Variants in CCDC138 observed in about 807,000 individuals in gnomAD.
The protein encoded by CCDC138 is coiled-coil domain containing 138.
In CCDC138, 66 loss-of-function variants were observed where a neutral mutation model predicts 82.3. That is an observed-to-expected ratio of 0.80 (90% CI 0.66 to 0.98). The LOEUF (loss-of-function observed/expected upper bound fraction) is 0.98, where lower values mean the gene tolerates loss of function less well. Ranked by LOEUF, CCDC138 falls within the 50% of genes least tolerant of loss-of-function variation. The pLI is 0.00. For synonymous variants in CCDC138, 297 were observed against 265.4 expected, an observed-to-expected ratio of 1.12 and a Z score of -1.16; for missense variants, 816 against 758.9, an observed-to-expected ratio of 1.08 and a Z score of -0.88.
chr2:108,795,905 C>T (rs2149499716), intron 5 of CCDC138, among the ~76,000 whole-genome samples: 1 of 152,082 alleles, frequency 6.6e-6, no homozygotes. Context: ...TAGGAAGATT[C>T]CTTTGATAAC....
chr2:108,807,357 C>G (rs1050535925), intron 7 of CCDC138, among the ~76,000 whole-genome samples: 1 of 152,148 alleles, frequency 6.6e-6, no homozygotes, highest in Non-Finnish European at 1.5e-5. Flanking sequence ...AATTTAAGAA[C>G]TCCATTGAAT....
intron 5 of CCDC138, among the ~76,000 whole-genome samples, chr2:108,796,373 T>C (rs1476438922): frequency 6.6e-6 from 1 of 152,166 alleles, no homozygotes; most frequent in Non-Finnish European, 1.5e-5. Context: ...TATAGTTTAA[T>C]CTGACTTTAA....
chr2:108,879,888 A>C (rs112656185), downstream of CCDC138, among the ~76,000 whole-genome samples: 3 of 152,162 alleles, frequency 2.0e-5, no homozygotes, highest in African/African-American at 7.2e-5. Context: ...GGAATAACAG[A>C]AGAAATTTTC....
downstream of CCDC138, among the ~76,000 whole-genome samples, chr2:108,881,401 T>C (rs1366149301): frequency 6.6e-6 from 1 of 152,254 alleles, no homozygotes; most frequent in Non-Finnish European, 1.5e-5. Context: ...TTGTGGCCGA[T>C]TTGTATCAAG....
chr2:108,789,013 A>G lies in CCDC138; in HGVS notation c.266+47A>G, dbSNP rs1330316773. The G allele has an allele frequency of 1.9e-6, 3 of 1,599,516 alleles. No homozygotes were observed. The African/African-American group carries it at 4.0e-5, about 22-fold the overall frequency. The stretch of plus-strand genomic sequence containing the variant: ...CTGTTGCTACCCCCTCAGTATCTCA[A>G]AAAACTGAGAAAGAGAAAAGGGCAG... On this transcript the variant is annotated intron_variant, in intron 3 of 14. Coordinates refer to ENST00000295124, the MANE Select transcript of CCDC138 (RefSeq NM_144978.3).
chr2:108,851,640 A>C (rs1691526350), intron 12 of CCDC138, among the ~76,000 whole-genome samples: 1 of 151,978 alleles, frequency 6.6e-6, no homozygotes, highest in Admixed American at 6.6e-5. Context: ...CTGACATCAC[A>C]ATTCTGTCCA....
chr2:108,846,748 T>TGACATCAACATTGAGGAGATTGGGTGAA lies in CCDC138; in HGVS notation c.1340_1367dup (p.Phe457AsnfsTer7). On this transcript the variant is annotated frameshift_variant, in exon 12 of 15. Coordinates refer to ENST00000295124, the MANE Select transcript of CCDC138 (RefSeq NM_144978.3). LOFTEE classifies it high-confidence loss of function. ...ACATATTTTTAACAGCACTCGACTA[T>TGACATCAACATTGAGGAGATTGGGTGAA]GACATCAACATTGAGGAGATTGGGT... The TGACATCAACATTGAGGAGATTGGGTGAA allele has an allele frequency of 6.2e-7, 1 of 1,608,076 alleles. No individual in the cohort carries two copies. The highest frequency in any genetic ancestry group is 1.3e-5 in the African/African-American group (1 of 74,616).
chr2:108,790,931 A>T (rs1300166791), intron 3 of CCDC138, among the ~76,000 whole-genome samples: 1 of 151,156 alleles, frequency 6.6e-6, no homozygotes, highest in Admixed American at 6.6e-5. Context: ...TATTTTATTT[A>T]TTTTTCTTTT....
At chr2:108,812,954 A>T in intron 9 of CCDC138, 27 bp downstream of exon 9, 3 of 1,607,698 alleles carry the variant, frequency 1.9e-6, no homozygotes, top group Non-Finnish European at 2.6e-6. Flanking sequence ...ATTTGATATG[A>T]TTGAAAATTT....
intron 13 of CCDC138, among the ~76,000 whole-genome samples, chr2:108,857,732 A>C (rs946765549): frequency 6.6e-6 from 1 of 152,214 alleles, no homozygotes; most frequent in Non-Finnish European, 1.5e-5. Flanking sequence ...GTAGAATGAA[A>C]AGTGAAAAGT....
At chr2:108,836,185 G>A (rs1688547183) in intron 10 of CCDC138, among the ~76,000 whole-genome samples, 1 of 152,038 alleles carries the variant, frequency 6.6e-6, no homozygotes, top group South Asian at 2.1e-4. Context: ...CCCCGCCCCT[G>A]ATGACCACCA....
intron 7 of CCDC138, among the ~76,000 whole-genome samples, chr2:108,808,622 A>G (rs1301003489): frequency 1.3e-5 from 2 of 152,046 alleles, no homozygotes; most frequent in African/African-American, 4.8e-5. Context: ...GATATTGAGC[A>G]TTTTTTCATA....
Position 108,843,844 on chromosome 2 carries a change from T to TTGTGTGTG in CCDC138, c.1324-2866_1324-2859dup, listed in dbSNP as rs71383805. On this transcript the variant is annotated intron_variant, in intron 11 of 14. Transcript: ENST00000295124. ...GTCATTATTTCTTCAAGTTCATGTT[T>TTGTGTGTG]TGTGTGTGTGTGTGTGTGTGTGTGT... 5.7e-3 allele frequency among the ~76,000 whole-genome samples: 129 copies of TTGTGTGTG among 22,820 alleles called. 2 individuals carry two copies. Among genetic ancestry groups the TTGTGTGTG allele is most frequent in the South Asian group, 0.013 (8 of 596 alleles). 15.0% of individuals were successfully genotyped at this position (22,820 alleles called of 152,430 possible). A position where few individuals can be genotyped will look rare whatever the true frequency, so the allele number is the denominator to read the frequency against.
At chr2:108,849,002 G>C (rs1690961341) in intron 12 of CCDC138, among the ~76,000 whole-genome samples, 1 of 152,086 alleles carries the variant, frequency 6.6e-6, no homozygotes, top group African/African-American at 2.4e-5. Flanking sequence ...AGGAAAACAT[G>C]AGCCTGGTAA....
chr2:108,803,133 A>G (rs956409947), intron 6 of CCDC138, among the ~76,000 whole-genome samples: 5 of 152,182 alleles, frequency 3.3e-5, no homozygotes, highest in Admixed American at 6.5e-5. Flanking sequence ...TTGTGCAGGT[A>G]AAGAGGCATT....
chr2:108,794,728 A>G lies in CCDC138; in HGVS notation c.576+7A>G. Reference sequence around the variant, plus strand: ...GATACATCTGAAATTGCAGGTAAGAACTAAATACTGAATCGAGAATTCAGA... The same window carrying G: ...GATACATCTGAAATTGCAGGTAAGAGCTAAATACTGAATCGAGAATTCAGA... On this transcript the variant is annotated splice_region_variant and intron_variant, in intron 5 of 14. Coordinates refer to ENST00000295124, the MANE Select transcript of CCDC138 (RefSeq NM_144978.3). The G allele has an allele frequency of 6.3e-7, 1 of 1,578,156 alleles. No homozygotes were observed. Among genetic ancestry groups the G allele is most frequent in the Non-Finnish European group, 8.7e-7 (1 of 1,151,432 alleles).
chr2:108,882,690 T>G (rs1373974940), exon 2 of CCDC138: 1 of 152,296 alleles, frequency 6.6e-6, no homozygotes, highest in Non-Finnish European at 1.5e-5. Context: ...CATGCCCTTC[T>G]GATGTCCACA....
At position 108,876,176 on chromosome 2, in the gene CCDC138, T is replaced by G; in HGVS notation, c.1921T>G (p.Cys641Gly). The change falls in exon 15 of 15, where the codon TGT (cysteine) becomes GGT (glycine). Residue 641 changes from cysteine (C) to glycine (G), a missense_variant. Transcript: ENST00000295124. ...AACAAACCCAGAGCATGCATTTCTC[T>G]GTATTAATCTAAATTCAACTCTGTT... ...RTTNPEHAFLCINLNSTLFNL... is the reference protein window; with the variant it reads ...RTTNPEHAFLGINLNSTLFNL... 2 of 1,613,274 alleles carry G rather than the reference T, an allele frequency of 1.2e-6. No individual in the cohort carries two copies. Among genetic ancestry groups the G allele is most frequent in the Non-Finnish European group, 8.5e-7 (1 of 1,179,358 alleles).
intron 5 of CCDC138, among the ~76,000 whole-genome samples, chr2:108,795,949 C>T (rs1002071630): frequency 2.6e-5 from 4 of 152,062 alleles, no homozygotes; most frequent in African/African-American, 9.7e-5. Context: ...GGCAAGATTG[C>T]AAGGATGTAT....
Sources: allele counts gnomAD v4.1 joint callset (sites outside exome capture counted in the v4.1 genomes callset), GRCh38; gene constraint gnomAD v4.1.1; transcripts MANE v1.5; gene names NCBI Gene and HGNC (gene_info 2026-07-23, HGNC 2026-07-21).